Variants in MYO1D observed in about 807,000 individuals in gnomAD.
The protein encoded by MYO1D is myosin ID, also known as unconventional myosin-Id.
Under a neutral mutation model 122.0 loss-of-function variants are expected in MYO1D, and 83 were observed. The ratio of observed to expected loss-of-function variants is 0.68; its 90% CI spans 0.57 to 0.82. The LOEUF (loss-of-function observed/expected upper bound fraction) is 0.82, where lower values mean the gene tolerates loss of function less well. Ranked by LOEUF, MYO1D falls within the 40% of genes least tolerant of loss-of-function variation. The pLI is 0.00. For missense variants in MYO1D, 1,157 were observed against 1,269.5 expected, an observed-to-expected ratio of 0.91 and a Z score of 1.35; for synonymous variants, 464 against 446.9, an observed-to-expected ratio of 1.04 and a Z score of -0.48.
chr17:32,693,068 A>T (rs998060742), intron 16 of MYO1D, among the ~76,000 whole-genome samples: 5 of 152,312 alleles, frequency 3.3e-5, no homozygotes, highest in African/African-American at 1.2e-4. Context: ...TATACATCTT[A>T]ACTATAAGAC....
chr17:32,669,259 A>C (rs1172419686), intron 16 of MYO1D, among the ~76,000 whole-genome samples: 1 of 152,220 alleles, frequency 6.6e-6, no homozygotes, highest in African/African-American at 2.4e-5. Context: ...CTCTCCTTGT[A>C]CTAGGAAGAT....
chr17:32,841,847 C>A (rs2090885993), intron 1 of MYO1D, among the ~76,000 whole-genome samples: 1 of 152,002 alleles, frequency 6.6e-6, no homozygotes, highest in Non-Finnish European at 1.5e-5. Flanking sequence ...GAGTTCAGGT[C>A]TGCAGGGTAT....
chr17:32,697,035 T>C (rs1203015220), intron 16 of MYO1D, among the ~76,000 whole-genome samples: 1 of 152,154 alleles, frequency 6.6e-6, no homozygotes, highest in Non-Finnish European at 1.5e-5. Flanking sequence ...GCAAACTTCT[T>C]CCAGAAAGTG....
intron 1 of MYO1D, among the ~76,000 whole-genome samples, chr17:32,822,171 A>C (rs2090671732): frequency 6.6e-6 from 1 of 152,234 alleles, no homozygotes; most frequent in Non-Finnish European, 1.5e-5. Flanking sequence ...TGGCACATAT[A>C]CATCATGGAA....
At chr17:32,691,715 T>A (rs949260883) in intron 16 of MYO1D, among the ~76,000 whole-genome samples, 1 of 152,186 alleles carries the variant, frequency 6.6e-6, no homozygotes, top group Non-Finnish European at 1.5e-5. Flanking sequence ...CACAAAAAAA[T>A]TTCTTACAAC....
intron 1 of MYO1D, among the ~76,000 whole-genome samples, chr17:32,821,222 T>C (rs1021223998): frequency 6.6e-6 from 1 of 152,184 alleles, no homozygotes; most frequent in Non-Finnish European, 1.5e-5. Flanking sequence ...TTTTTATGAC[T>C]GGATGCAAGT....
intron 21 of MYO1D, among the ~76,000 whole-genome samples, chr17:32,577,037 C>T (rs1028434259): frequency 6.6e-6 from 1 of 152,006 alleles, no homozygotes; most frequent in African/African-American, 2.4e-5. Flanking sequence ...ATTGCCTGAG[C>T]TCAGGAGTTT....
intron 21 of MYO1D, among the ~76,000 whole-genome samples, chr17:32,587,852 C>A (rs1478731772): frequency 6.6e-6 from 1 of 152,234 alleles, no homozygotes; most frequent in East Asian, 1.9e-4. Context: ...CCAGCTACTT[C>A]CAGCTGCAGC....
intron 1 of MYO1D, 40 bp downstream of exon 1, chr17:32,876,738 C>T: frequency 1.4e-6 from 2 of 1,461,586 alleles, no homozygotes; most frequent in South Asian, 2.6e-5. Flanking sequence ...CTCGGGAAAG[C>T]GCAGCCTCGC....
chr17:32,795,092 C>T (rs951478775), intron 1 of MYO1D, among the ~76,000 whole-genome samples: 5 of 152,040 alleles, frequency 3.3e-5, no homozygotes, highest in African/African-American at 9.7e-5. Context: ...CTGAGCAGAC[C>T]GTGATGCTCC....
At chr17:32,586,936 G>T (rs2087391511) in intron 21 of MYO1D, among the ~76,000 whole-genome samples, 1 of 152,068 alleles carries the variant, frequency 6.6e-6, no homozygotes, top group African/African-American at 2.4e-5. Context: ...TCCTAGCTGG[G>T]CTTTAAATTC....
chr17:32,608,328 A>G lies in MYO1D; in HGVS notation c.2710-3087T>C, dbSNP rs184800456. 5.9e-5 allele frequency among the ~76,000 whole-genome samples: 9 copies of G among 152,348 alleles called. No homozygotes were observed. The East Asian group carries it at 1.5e-3, about 26-fold the overall frequency. On this transcript the variant is annotated intron_variant, in intron 20 of 21. Coordinates refer to ENST00000318217, the MANE Select transcript of MYO1D (RefSeq NM_015194.3). The stretch of plus-strand genomic sequence containing the variant: ...AAAAATGATGGATAAAAGATTTGAA[A>G]TCACTTCACCAAAGAAGGCATAGGG...
intron 1 of MYO1D, among the ~76,000 whole-genome samples, chr17:32,815,253 A>G (rs1238706452): frequency 1.3e-5 from 2 of 152,224 alleles, no homozygotes; most frequent in East Asian, 1.9e-4. Flanking sequence ...AAATTATCTC[A>G]TAAGAGATCC....
chr17:32,728,702 A>C (rs1163371030), intron 14 of MYO1D, among the ~76,000 whole-genome samples: 2 of 152,220 alleles, frequency 1.3e-5, no homozygotes, highest in African/African-American at 2.4e-5. Context: ...TTAGGTCAAA[A>C]AGGAAATTAC....
At chr17:32,511,537 C>T (rs1304351945) in intron 21 of MYO1D, among the ~76,000 whole-genome samples, 1 of 151,850 alleles carries the variant, frequency 6.6e-6, no homozygotes. Flanking sequence ...TCTTGATGCT[C>T]TTGCTCTAAT....
chr17:32,758,331 T>A (rs1188972179), intron 10 of MYO1D, among the ~76,000 whole-genome samples: 1 of 152,124 alleles, frequency 6.6e-6, no homozygotes, highest in African/African-American at 2.4e-5. Context: ...AAGAAACTTA[T>A]TTGGATCCAA....
At chr17:32,645,457 T>A (rs1398872869) in intron 19 of MYO1D, among the ~76,000 whole-genome samples, 1 of 152,236 alleles carries the variant, frequency 6.6e-6, no homozygotes, top group African/African-American at 2.4e-5. Flanking sequence ...CCTGCCTTGT[T>A]AGGTTGGGGA....
At chr17:32,540,723 C>T (rs1410541352) in intron 21 of MYO1D, among the ~76,000 whole-genome samples, 7 of 151,692 alleles carry the variant, frequency 4.6e-5, no homozygotes, top group East Asian at 1.9e-4. Context: ...GTCAGGAGTT[C>T]GAGACCAGCC....
intron 21 of MYO1D, among the ~76,000 whole-genome samples, chr17:32,546,665 C>T (rs956944859): frequency 6.6e-6 from 1 of 152,216 alleles, no homozygotes; most frequent in Non-Finnish European, 1.5e-5. Flanking sequence ...TTTCCCCAAA[C>T]CCCTGTGCTC....
Sources: gnomAD v4.1 joint callset for allele counts (sites outside exome capture counted in the v4.1 genomes callset) on GRCh38, gnomAD v4.1.1 for gene constraint, MANE v1.5 for transcripts, NCBI Gene and HGNC (gene_info 2026-07-23, HGNC 2026-07-21) for gene names.